METAP1D: variants seen among roughly 807,000 people sequenced by gnomAD.
METAP1D encodes the protein methionine aminopeptidase 1D, mitochondrial.
METAP1D carries 31 observed loss-of-function variants against 40.5 expected under a neutral mutation model. The observed-to-expected ratio is 0.77, with a 90% confidence interval of 0.58 to 1.03. The LOEUF (loss-of-function observed/expected upper bound fraction) is 1.03, where lower values mean the gene tolerates loss of function less well. METAP1D is among the 50% of genes least tolerant of loss of function. The pLI, the probability that METAP1D is intolerant of heterozygous loss-of-function variation, is 0.00. For synonymous variants in METAP1D, 151 were observed against 146.4 expected (o/e 1.03, Z -0.22); for missense variants, 411 against 420.7 (o/e 0.98, Z 0.20).
chr2:172,006,329 A>G (rs1420654711), intron 1 of METAP1D, among the ~76,000 whole-genome samples: 1 of 151,928 alleles, frequency 6.6e-6, no homozygotes, highest in East Asian at 1.9e-4. Flanking sequence ...GACTACAGGC[A>G]CCTGCCACCA....
At chr2:172,008,398 A>C (rs1332084755) in intron 1 of METAP1D, among the ~76,000 whole-genome samples, 1 of 152,168 alleles carries the variant, frequency 6.6e-6, no homozygotes, top group Admixed American at 6.5e-5. Flanking sequence ...TTACCCTGAC[A>C]GGCCCTGTCC....
chr2:172,039,774 A>G (rs910528310), intron 1 of METAP1D, among the ~76,000 whole-genome samples: 2 of 150,798 alleles, frequency 1.3e-5, no homozygotes, highest in Non-Finnish European at 2.9e-5. Context: ...TTCTAAAGCA[A>G]TTCTCCTGCC....
intron 1 of METAP1D, among the ~76,000 whole-genome samples, chr2:172,059,174 T>C (rs1376591226): frequency 6.6e-6 from 1 of 151,572 alleles, no homozygotes; most frequent in African/African-American, 2.4e-5. Flanking sequence ...AGTGGCGCGA[T>C]CTTGGCTCAC....
intron 1 of METAP1D, among the ~76,000 whole-genome samples, chr2:172,037,571 C>G (rs1488128986): frequency 6.6e-6 from 1 of 152,172 alleles, no homozygotes; most frequent in Non-Finnish European, 1.5e-5. Flanking sequence ...ATCTTTACAA[C>G]AGTTTTTTAT....
chr2:172,047,528 G>C (rs1276901453), intron 1 of METAP1D, among the ~76,000 whole-genome samples: 1 of 152,000 alleles, frequency 6.6e-6, no homozygotes, highest in Non-Finnish European at 1.5e-5. Flanking sequence ...CAGCCTCCTG[G>C]GCTCAAGTCA....
At chr2:172,019,800 C>A (rs1056728561) in intron 1 of METAP1D, among the ~76,000 whole-genome samples, 1 of 152,174 alleles carries the variant, frequency 6.6e-6, no homozygotes, top group African/African-American at 2.4e-5. Flanking sequence ...CGAGCCACCT[C>A]TTGGTTCCAG....
In METAP1D at chr2:172,013,794, A is replaced by G. The variant is rs573502384; in HGVS notation, c.40+13785A>G. On this transcript the variant is annotated intron_variant, in intron 1 of 9. Coordinates refer to ENST00000315796, the MANE Select transcript of METAP1D (RefSeq NM_199227.3). ...TTTTTTCCAATTTGTAAATATATTT[A>G]TAACAAAGAAACATTATACTTTTTT... Among the ~76,000 whole-genome samples the G allele has an allele frequency of 2.2e-3, 336 of 151,330 alleles. 1 individual carries two copies. The highest frequency in any genetic ancestry group is 7.7e-3 in the African/African-American group (316 of 41,222).
chr2:172,007,600 G>A (rs1168769418), intron 1 of METAP1D, among the ~76,000 whole-genome samples: 1 of 152,126 alleles, frequency 6.6e-6, no homozygotes, highest in Non-Finnish European at 1.5e-5. Flanking sequence ...CTAATATCCA[G>A]TGCCAAGATA....
chr2:172,014,348 G>C (rs917023211), intron 1 of METAP1D, among the ~76,000 whole-genome samples: 2 of 152,164 alleles, frequency 1.3e-5, no homozygotes, highest in African/African-American at 2.4e-5. Context: ...TTGACCTCAG[G>C]TGATTTGCCT....
chr2:171,999,977 C>A lies in METAP1D; in HGVS notation c.8C>A (p.Ala3Glu), dbSNP rs751008827. ...CACGTGACCGACGCCAACATGGCGGCGCCCAGTGGCGTCCACCTGCTCGTC... is the reference window on the plus strand; with the variant it reads ...CACGTGACCGACGCCAACATGGCGGAGCCCAGTGGCGTCCACCTGCTCGTC... Reference protein sequence around the residue: MAAPSGVHLLVRR... With the variant: MAEPSGVHLLVRR... Residue 3 changes from alanine to glutamate, a missense_variant, in exon 1 of 10, where the codon GCG (alanine) becomes GAG (glutamate). Ala to Glu is a moderately radical substitution (Grantham distance 107, BLOSUM62 -1). Coordinates refer to ENST00000315796, the MANE Select transcript of METAP1D (RefSeq NM_199227.3). 3.7e-6 allele frequency: 5 copies of A among 1,352,148 alleles called. No individual in the cohort carries two copies. In the South Asian group the frequency reaches 7.4e-5, roughly 20 times the overall value. The allele number at this position is 1,352,148 out of a possible 1,614,324, so 83.8% of individuals were successfully genotyped here.
In METAP1D at chr2:172,002,888, A is replaced by G. The variant is rs75990149; in HGVS notation, c.40+2879A>G. Among the ~76,000 whole-genome samples the G allele has an allele frequency of 9.0e-3, 1,376 of 152,286 alleles. 10 individuals are homozygous for G. The highest frequency in any genetic ancestry group is 0.015 in the Non-Finnish European group (1,028 of 68,018). The stretch of plus-strand genomic sequence containing the variant: ...TTTTTTTTAACCTTTTAAAAAAGGC[A>G]TGAGGTTTCTCTTGTGACGCCTCAA... On this transcript the variant is annotated intron_variant, in intron 1 of 9. Transcript: ENST00000315796.
intron 1 of METAP1D, among the ~76,000 whole-genome samples, chr2:172,058,058 C>T (rs1368596753): frequency 2.0e-5 from 3 of 152,014 alleles, no homozygotes; most frequent in East Asian, 1.9e-4. Context: ...TCTCCTGCCT[C>T]AGCCTCCTGA....
rs895850001 is a variant in METAP1D, at chr2:172,081,274, G to C, written c.*868G>C. On this transcript the variant is annotated 3_prime_UTR_variant, in exon 10 of 10. Transcript: ENST00000315796. ...TGTGAACAGTGGCTGATTAGTGGGCGGTCTAGTCTCTAAAATGACCCCTCC... is the reference window on the plus strand; with the variant it reads ...TGTGAACAGTGGCTGATTAGTGGGCCGTCTAGTCTCTAAAATGACCCCTCC... The C allele has an allele frequency of 2.0e-5, 3 of 152,192 alleles. No individual in the cohort carries two copies. Among genetic ancestry groups the C allele is most frequent in the African/African-American group, 4.8e-5 (2 of 41,402 alleles). The allele number at this position is 152,192 out of a possible 1,614,324, so 9.4% of individuals were successfully genotyped here. A position where few individuals can be genotyped will look rare whatever the true frequency, so the allele number is the denominator to read the frequency against.
At chr2:172,007,914 T>C (rs977072243) in intron 1 of METAP1D, among the ~76,000 whole-genome samples, 2 of 152,124 alleles carry the variant, frequency 1.3e-5, no homozygotes, top group Admixed American at 1.3e-4. Flanking sequence ...GGTCTCCAAC[T>C]CCTGATCTCA....
chr2:172,045,143 C>A (rs1472152764), intron 1 of METAP1D, among the ~76,000 whole-genome samples: 1 of 134,260 alleles, frequency 7.4e-6, no homozygotes, highest in Non-Finnish European at 1.7e-5. Flanking sequence ...AACAGTTTTG[C>A]AAATATGTTA....
At position 172,005,520 on chromosome 2, in the gene METAP1D, TTATATATA is replaced by T. The variant is rs34982215; in HGVS notation, c.40+5529_40+5536del. On this transcript the variant is annotated intron_variant, in intron 1 of 9. Transcript: ENST00000315796. ...AGTAGTATTCCATGGTGTCTGTATT[TTATATATA>T]TATATATATATATATATCTTTTTTT... is the stretch of plus-strand genomic sequence containing the variant. Among the ~76,000 whole-genome samples, 33 of 110,948 alleles carry T rather than the reference TTATATATA, an allele frequency of 3.0e-4. 2 individuals are homozygous for T. Among genetic ancestry groups the T allele is most frequent in the Admixed American group, 1.1e-3 (10 of 9,240 alleles). 72.8% of individuals were successfully genotyped at this position (110,948 alleles called of 152,430 possible).
intron 1 of METAP1D, among the ~76,000 whole-genome samples, chr2:172,008,628 A>T (rs1485611286): frequency 6.6e-6 from 1 of 152,232 alleles, no homozygotes; most frequent in East Asian, 1.9e-4. Context: ...GAAATTAACA[A>T]CAATCACTAA....
intron 1 of METAP1D, among the ~76,000 whole-genome samples, chr2:172,056,533 T>G (rs1690007064): frequency 6.6e-6 from 1 of 152,072 alleles, no homozygotes. Context: ...TCCCTGGGAG[T>G]CGGGACCTTG....
intron 1 of METAP1D, among the ~76,000 whole-genome samples, chr2:172,054,822 C>T (rs925064277): frequency 6.6e-6 from 1 of 152,132 alleles, no homozygotes; most frequent in Admixed American, 6.5e-5. Flanking sequence ...TAATTTTCAG[C>T]GTTCAACTCA....
Sources: allele counts gnomAD v4.1 joint callset (sites outside exome capture counted in the v4.1 genomes callset), GRCh38; gene constraint gnomAD v4.1.1; transcripts MANE v1.5; gene names NCBI Gene and HGNC (gene_info 2026-07-23, HGNC 2026-07-21).